Variants in MAPK9 observed in about 807,000 individuals in gnomAD.
MAPK9 encodes the protein Jun kinase.
MAPK9 carries 30 observed loss-of-function variants against 57.1 expected under a neutral mutation model. That is an observed-to-expected ratio of 0.53 (90% CI 0.39 to 0.71). The LOEUF is 0.71. MAPK9 is among the 30% of genes least tolerant of loss of function. MAPK9 has a pLI of 0.00. For synonymous variants in MAPK9, 155 were observed against 177.0 expected (o/e 0.88, Z 0.99); for missense variants, 362 against 521.0 (o/e 0.69, Z 2.97).
chr5:180,238,338 G>T lies in MAPK9; in HGVS notation c.1126C>A (p.Pro376Thr), dbSNP rs1757353147. Residue 376 changes from proline to threonine, a missense_variant, in exon 11 of 12, where the codon CCT (proline) becomes ACT (threonine). Physicochemically the swap from Pro to Thr is conservative, Grantham distance 38. This residue lies in a region of MAPK9 where 199 missense variants were observed against 251.3 expected (regional missense o/e 0.79). Transcript: ENST00000452135. Reference sequence around the variant, plus strand: ...AATTAAAGCAATCACTAACCTGAAGGCTGATCTTTTACAACACCATTCTTG... The same window carrying T: ...AATTAAAGCAATCACTAACCTGAAGTCTGATCTTTTACAACACCATTCTTG... ...RSKNGVVKDQ[P>T]SDAAVSSNAT... The T allele has an allele frequency of 9.9e-6, 16 of 1,610,920 alleles. No individual in the cohort carries two copies. The highest frequency in any genetic ancestry group is 1.4e-5 in the Non-Finnish European group (16 of 1,177,506).
At chr5:180,263,570 T>C (rs1056180172) in intron 4 of MAPK9, among the ~76,000 whole-genome samples, 4 of 152,130 alleles carry the variant, frequency 2.6e-5, no homozygotes, top group African/African-American at 9.7e-5. Flanking sequence ...TCTCTTCCCC[T>C]GCTCCCTCAT....
chr5:180,239,283 C>A (rs1343210900), intron 10 of MAPK9, among the ~76,000 whole-genome samples: 1 of 152,220 alleles, frequency 6.6e-6, no homozygotes, highest in African/African-American at 2.4e-5. Flanking sequence ...TGCAAGCATT[C>A]GCTGAGGCCA....
chr5:180,252,997 T>C (rs1034815931), intron 5 of MAPK9, among the ~76,000 whole-genome samples: 5 of 152,104 alleles, frequency 3.3e-5, no homozygotes, highest in Admixed American at 6.5e-5. Context: ...GGGTGGACTG[T>C]GGGGTCCACG....
At chr5:180,263,926 C>T (rs1456071042) in intron 4 of MAPK9, among the ~76,000 whole-genome samples, 1 of 151,984 alleles carries the variant, frequency 6.6e-6, no homozygotes, top group Non-Finnish European at 1.5e-5. Context: ...AGGATGGTCT[C>T]GATCTCCTGA....
rs1270667553 is a variant in MAPK9, at chr5:180,241,206, A to G, written c.872-51T>C. 5 of 1,531,730 alleles carry G rather than the reference A, an allele frequency of 3.3e-6. No homozygotes were observed. In the East Asian group the frequency reaches 1.1e-4, roughly 35 times the overall value. The allele number at this position is 1,531,730 out of a possible 1,614,324, so 94.9% of individuals were successfully genotyped here. ...AATGCTGTTAATATGAAACAAACAG[A>G]ATCATACAATAAAGAACTAAATATG... On this transcript the variant is annotated intron_variant, in intron 8 of 11. Coordinates refer to ENST00000452135, the MANE Select transcript of MAPK9 (RefSeq NM_002752.5).
chr5:180,241,304 A>ATTTTT, intron 8 of MAPK9, 149 bp from the exon 9 acceptor site: 1 of 523,874 alleles, frequency 1.9e-6, no homozygotes, highest in Non-Finnish European at 2.9e-6. Context: ...ATAACCCAAA[A>ATTTTT]TTTTTTTTTT....
intron 2 of MAPK9, among the ~76,000 whole-genome samples, chr5:180,270,873 AG>A (rs140847304): frequency 0.11 from 13,983 of 125,668 alleles, 1,247 homozygotes; most frequent in Non-Finnish European, 0.15. Flanking sequence ...AAAAAAAAAA[AG>A]AAAAAGAAAA....
intron 10 of MAPK9, 55 bp downstream of exon 10, chr5:180,239,869 C>T (rs1757507019): frequency 6.5e-7 from 1 of 1,543,246 alleles, no homozygotes; most frequent in African/African-American, 1.4e-5. Flanking sequence ...AGCCTCTGCT[C>T]TACAGGATTG....
rs929972606 is a variant in MAPK9 at position 180,234,562 on chromosome 5, G to C, written c.*1822C>G. On this transcript the variant is annotated 3_prime_UTR_variant, in exon 12 of 12. Coordinates refer to ENST00000452135, the MANE Select transcript of MAPK9 (RefSeq NM_002752.5). Reference sequence around the variant, plus strand: ...AGCATCACACAGTGCAGGGCAGCTCGCGCATTTTCAACCTCTCCCTTTTGT... The same window carrying C: ...AGCATCACACAGTGCAGGGCAGCTCCCGCATTTTCAACCTCTCCCTTTTGT... The C allele has an allele frequency of 1.3e-5, 2 of 152,218 alleles. No individual in the cohort carries two copies. Among genetic ancestry groups the C allele is most frequent in the Non-Finnish European group, 2.9e-5 (2 of 68,044 alleles). 9.4% of individuals were successfully genotyped at this position (152,218 alleles called of 1,614,324 possible). A position where few individuals can be genotyped will look rare whatever the true frequency, so the allele number is the denominator to read the frequency against.
At chr5:180,280,353 A>T (rs1762215776) in intron 2 of MAPK9, 87 bp downstream of exon 2, 3 of 1,523,608 alleles carry the variant, frequency 2.0e-6, no homozygotes, top group Admixed American at 2.1e-5. Context: ...TTTTTTAATC[A>T]TCAATGTTTC....
intron 3 of MAPK9, among the ~76,000 whole-genome samples, chr5:180,267,515 TCG>T (rs1320834666): frequency 7.4e-6 from 1 of 135,090 alleles, no homozygotes; most frequent in Non-Finnish European, 1.5e-5. Context: ...TGAGCTGAGA[TCG>T]CGCCACTGCC....
intron 2 of MAPK9, among the ~76,000 whole-genome samples, chr5:180,278,609 G>A (rs905956258): frequency 6.6e-6 from 1 of 152,158 alleles, no homozygotes; most frequent in African/African-American, 2.4e-5. Flanking sequence ...TGAGGCAGGA[G>A]AACTGCTTGA....
At chr5:180,266,922 TAACAGTGA>T (rs1348274420) in intron 3 of MAPK9, among the ~76,000 whole-genome samples, 2 of 152,320 alleles carry the variant, frequency 1.3e-5, no homozygotes, top group African/African-American at 4.8e-5. Context: ...GCACTGCTTA[TAACAGTGA>T]GAAACAAAAC....
chr5:180,249,142 G>C lies in MAPK9; in HGVS notation c.451-4C>G. On this transcript the variant is annotated splice_polypyrimidine_tract_variant and splice_region_variant and intron_variant, in intron 5 of 11. Transcript: ENST00000452135. Reference sequence around the variant, plus strand: ...CAATGTTGCTAGGCTTCAAATCCTAGGAAAGAAATGGCTTAAATTAGTAAA... The same window carrying C: ...CAATGTTGCTAGGCTTCAAATCCTACGAAAGAAATGGCTTAAATTAGTAAA... 2 of 1,600,934 alleles carry C rather than the reference G, an allele frequency of 1.2e-6. No individual in the cohort carries two copies. The highest frequency in any genetic ancestry group is 8.5e-7 in the Non-Finnish European group (1 of 1,174,080).
chr5:180,263,650 G>A (rs1325076244), intron 4 of MAPK9, among the ~76,000 whole-genome samples: 1 of 151,224 alleles, frequency 6.6e-6, no homozygotes, highest in African/African-American at 2.4e-5. Flanking sequence ...CCTGAGCGCT[G>A]TCTGTTCCTT....
intron 2 of MAPK9, among the ~76,000 whole-genome samples, chr5:180,273,972 T>C (rs1561835975): frequency 6.7e-6 from 1 of 148,626 alleles, no homozygotes; most frequent in Admixed American, 6.7e-5. Context: ...TTAAAATCAG[T>C]TTGTTCATTT....
chr5:180,237,291 AAAGT>A (rs1195724797), intron 11 of MAPK9: 2 of 152,232 alleles, frequency 1.3e-5, no homozygotes, highest in African/African-American at 2.4e-5. Flanking sequence ...TCAAGAATAA[AAAGT>A]AAGCTGTGCT....
At position 180,266,797 on chromosome 5, in the gene MAPK9, T is replaced by C. The variant is rs536438933; in HGVS notation, c.253-1958A>G. Among the ~76,000 whole-genome samples the C allele has an allele frequency of 3.3e-5, 5 of 152,238 alleles. No individual in the cohort carries two copies. In the East Asian group the frequency reaches 9.6e-4, roughly 29 times the overall value. ...ATCAAACTAATAGTCTTCCTTGAGGTCAATTTGTCAGTATATTTTAAACTA... is the reference window on the plus strand; with the variant it reads ...ATCAAACTAATAGTCTTCCTTGAGGCCAATTTGTCAGTATATTTTAAACTA... On this transcript the variant is annotated intron_variant, in intron 3 of 11. Coordinates refer to ENST00000452135, the MANE Select transcript of MAPK9 (RefSeq NM_002752.5).
intron 2 of MAPK9, among the ~76,000 whole-genome samples, chr5:180,273,419 G>A (rs1052396934): frequency 1.3e-4 from 20 of 151,698 alleles, no homozygotes; most frequent in Non-Finnish European, 2.6e-4. Flanking sequence ...GATGGGGGGA[G>A]TCTCATTATG....
Sources: allele counts gnomAD v4.1 joint callset (sites outside exome capture counted in the v4.1 genomes callset), GRCh38; gene constraint gnomAD v4.1.1; regional missense constraint gnomAD v4.1.1; transcripts MANE v1.5; gene names NCBI Gene and HGNC (gene_info 2026-07-23, HGNC 2026-07-21).